Variants in GRHPR observed in about 807,000 individuals in gnomAD.
GRHPR encodes glyoxylate reductase/hydroxypyruvate reductase.
GRHPR carries 35 observed loss-of-function variants against 36.8 expected under a neutral mutation model. That is an observed-to-expected ratio of 0.95 (90% CI 0.73 to 1.26). The LOEUF (loss-of-function observed/expected upper bound fraction) is 1.26, where lower values mean the gene tolerates loss of function less well. Among genes scored for constraint, GRHPR ranks in the 50% most tolerant of loss-of-function variants. The pLI, the probability that GRHPR is intolerant of heterozygous loss-of-function variation, is 0.00. For synonymous variants in GRHPR, 179 were observed against 181.0 expected (o/e 0.99, Z 0.09); for missense variants, 380 against 435.0 (o/e 0.87, Z 1.12).
Position 37,428,717 on chromosome 9 carries a change from G to A in GRHPR, c.493+145G>A, listed in dbSNP as rs766613829. On this transcript the variant is annotated intron_variant, in intron 5 of 8. Transcript: ENST00000318158. ...AGAGATATCTCTAATGAGGGATACA[G>A]CTTTGTAAAACACAGGCAAATACAT... The A allele has an allele frequency of 8.5e-5, 61 of 717,120 alleles. 1 individual carries two copies. In the East Asian group the frequency reaches 1.4e-3, roughly 16 times the overall value. The allele number at this position is 717,120 out of a possible 1,614,324, so 44.4% of individuals were successfully genotyped here. A position where few individuals can be genotyped will look rare whatever the true frequency, so the allele number is the denominator to read the frequency against.
chr9:37,431,368 C>G (rs1823358270), intron 7 of GRHPR: 1 of 309,066 alleles, frequency 3.2e-6, no homozygotes, highest in Non-Finnish European at 6.4e-6. Context: ...TGCTGGCTGG[C>G]AGCAGTCACA....
In GRHPR at chr9:37,436,656, T is replaced by A. The variant is rs954250445; in HGVS notation, c.866-5T>A. On this transcript the variant is annotated splice_polypyrimidine_tract_variant and splice_region_variant and intron_variant, in intron 8 of 8. Coordinates refer to ENST00000318158, the MANE Select transcript of GRHPR (RefSeq NM_012203.2). ...TCTCCCTCTCTCTCTCTCTCTCCTT[T>A]CCAGTGATTCTGCCCCACATTGGCA... is the stretch of plus-strand genomic sequence containing the variant. The A allele has an allele frequency of 1.9e-6, 3 of 1,613,876 alleles. No individual in the cohort carries two copies. The South Asian group carries it at 3.3e-5, about 18-fold the overall frequency.
intron 4 of GRHPR, among the ~76,000 whole-genome samples, chr9:37,427,303 G>A (rs985619070): frequency 6.6e-6 from 1 of 152,124 alleles, no homozygotes; most frequent in African/African-American, 2.4e-5. Context: ...TAAAAAGCTC[G>A]GACAGCTGAA....
At chr9:37,427,607 C>G (rs374008555) in intron 4 of GRHPR, 2 of 152,246 alleles carry the variant, frequency 1.3e-5, no homozygotes, top group Non-Finnish European at 2.9e-5. Context: ...GAGGCCGAGG[C>G]GGGCAGATTG....
intron 8 of GRHPR, chr9:37,434,722 T>C (rs1187593405): frequency 6.5e-6 from 1 of 154,686 alleles, no homozygotes; most frequent in Admixed American, 6.5e-5. Flanking sequence ...AATAACATAT[T>C]TTGATGATCG....
intron 3 of GRHPR, 97 bp downstream of exon 3, chr9:37,426,091 C>A: frequency 1.2e-6 from 1 of 848,090 alleles, no homozygotes; most frequent in Non-Finnish European, 2.0e-6. Flanking sequence ...ATCCCTCGGC[C>A]ATTCAGGGAG....
chr9:37,427,457 C>T (rs774943253), intron 4 of GRHPR, among the ~76,000 whole-genome samples: 112 of 152,192 alleles, frequency 7.4e-4, no homozygotes, highest in Non-Finnish European at 1.3e-3. Context: ...GAATCTACCA[C>T]GTGCGCCATG....
Position 37,432,222 on chromosome 9 carries a change from G to A in GRHPR, c.865+84G>A. On this transcript the variant is annotated intron_variant, in intron 8 of 8. Transcript: ENST00000318158. ...AGGGGGTCCCAAGGGGCCGGGTGTG[G>A]AGCTAGTGTGAGCAGGTGTTGAACC... is the stretch of plus-strand genomic sequence containing the variant. 6.8e-6 allele frequency: 9 copies of A among 1,326,434 alleles called. 1 individual carries two copies. In the South Asian group the frequency reaches 1.1e-4, roughly 16 times the overall value. 82.2% of individuals were successfully genotyped at this position (1,326,434 alleles called of 1,614,324 possible). A position where few individuals can be genotyped will look rare whatever the true frequency, so the allele number is the denominator to read the frequency against.
Position 37,425,912 on chromosome 9 carries a change from T to A in GRHPR, c.215-10T>A, listed in dbSNP as rs777502743. The A allele has an allele frequency of 1.9e-6, 3 of 1,606,920 alleles. No individual in the cohort carries two copies. In the South Asian group the frequency reaches 3.3e-5, roughly 18 times the overall value. The stretch of plus-strand genomic sequence containing the variant: ...GGAAAGATACTAACAATGCACTTTC[T>A]GCACAACAGGGGCCAATCTCAAAGT... On this transcript the variant is annotated splice_polypyrimidine_tract_variant and intron_variant, in intron 2 of 8. Transcript: ENST00000318158.
Position 37,436,843 on chromosome 9 carries a change from C to G in GRHPR, c.*61C>G. ...GTGCCCTGGTATTGTCAGACACACC[C>G]AGGCTTGATTTGGATCCACAGGCAG... On this transcript the variant is annotated 3_prime_UTR_variant, in exon 9 of 9. Coordinates refer to ENST00000318158, the MANE Select transcript of GRHPR (RefSeq NM_012203.2). 1 of 1,590,864 alleles carries G rather than the reference C, an allele frequency of 6.3e-7. No homozygotes were observed. The highest frequency in any genetic ancestry group is 8.6e-7 in the Non-Finnish European group (1 of 1,159,348).
At chr9:37,422,523 C>T (rs13299681), upstream of GRHPR, 213,479 of 552,400 alleles carry the variant, frequency 0.39, 45,829 homozygotes, top group Non-Finnish European at 0.46. Flanking sequence ...GCGCACCCCC[C>T]CACACACACA....
intron 8 of GRHPR, chr9:37,434,278 G>T: frequency 4.5e-6 from 2 of 442,148 alleles, no homozygotes; most frequent in East Asian, 6.6e-5. Context: ...GATCCCTATG[G>T]GGGGAGCACG....
chr9:37,435,586 CTG>C (rs1036982826), intron 8 of GRHPR, among the ~76,000 whole-genome samples: 7 of 152,104 alleles, frequency 4.6e-5, no homozygotes, highest in Non-Finnish European at 2.9e-5. Context: ...AGAAGAAACT[CTG>C]TGAATTAAGT....
At position 37,426,154 on chromosome 9, in the gene GRHPR, A is replaced by G. The variant is rs1823066767; in HGVS notation, c.287+160A>G. 27 of 660,664 alleles carry G rather than the reference A, an allele frequency of 4.1e-5. No homozygotes were observed. In the South Asian group the frequency reaches 4.7e-4, roughly 11 times the overall value. The allele number at this position is 660,664 out of a possible 1,614,324, so 40.9% of individuals were successfully genotyped here. On this transcript the variant is annotated intron_variant, in intron 3 of 8. Transcript: ENST00000318158. The stretch of plus-strand genomic sequence containing the variant: ...GTCCACATGTGCACAGGTCAGTTAC[A>G]ATAAACCCCAGCAGTCAGAAACAGT...
Position 37,436,758 on chromosome 9 carries a change from G to C in GRHPR, c.963G>C (p.Pro321=), listed in dbSNP as rs76299266. 6.2e-7 allele frequency: 1 copy of C among 1,614,010 alleles called. No individual in the cohort carries two copies. The highest frequency in any genetic ancestry group is 8.5e-7 in the Non-Finnish European group (1 of 1,179,948). Residue 321 remains proline, a synonymous_variant, in exon 9 of 9, where the codon CCG becomes CCC. Transcript: ENST00000318158. ...NNLLAGLRGE[P]MPSELKL The stretch of plus-strand genomic sequence containing the variant: ...TGCTGGCTGGCCTGAGAGGGGAGCC[G>C]ATGCCTAGTGAACTCAAGCTGTAGC...
In GRHPR at chr9:37,436,941, A is replaced by G. The variant is rs1439976692; in HGVS notation, c.*159A>G. The G allele has an allele frequency of 7.8e-6, 6 of 773,104 alleles. No individual in the cohort carries two copies. Among genetic ancestry groups the G allele is most frequent in the Non-Finnish European group, 1.3e-5 (6 of 451,972 alleles). The allele number at this position is 773,104 out of a possible 1,614,324, so 47.9% of individuals were successfully genotyped here. On this transcript the variant is annotated 3_prime_UTR_variant, in exon 9 of 9. Transcript: ENST00000318158. ...TGTACTTGTCACATTGGTGTTGGAC[A>G]CATTTGCGCCAAAAGTATGGTAATT...
intron 6 of GRHPR, chr9:37,430,234 C>G (rs1823295401): frequency 7.0e-6 from 4 of 570,634 alleles, no homozygotes; most frequent in Admixed American, 2.9e-5. Flanking sequence ...CCTGGCGGGT[C>G]CACAGCCTGG....
intron 8 of GRHPR, among the ~76,000 whole-genome samples, chr9:37,433,228 A>ATTTT (rs11345501): frequency 1.0e-5 from 1 of 97,202 alleles, no homozygotes; most frequent in Non-Finnish European, 2.2e-5. Flanking sequence ...TGGTTCTCAC[A>ATTTT]TTTTTTTTTT....
At chr9:37,434,568 G>T in intron 8 of GRHPR, 1 of 294,506 alleles carries the variant, frequency 3.4e-6, no homozygotes, top group South Asian at 5.8e-5. Context: ...CAACCAAAGA[G>T]GAGGAGGGGT....
Sources: allele counts gnomAD v4.1 joint callset (sites outside exome capture counted in the v4.1 genomes callset), GRCh38; gene constraint gnomAD v4.1.1; transcripts MANE v1.5; gene names NCBI Gene and HGNC (gene_info 2026-07-23, HGNC 2026-07-21).